ZMAT5: variants seen among roughly 807,000 people sequenced by gnomAD.
The protein encoded by ZMAT5 is zinc finger matrin-type protein 5.
In ZMAT5, 23 loss-of-function variants were observed where a neutral mutation model predicts 28.0. The ratio of observed to expected loss-of-function variants is 0.82; its 90% CI spans 0.59 to 1.16. ZMAT5 has a LOEUF of 1.16. Ranked by LOEUF, ZMAT5 falls within the 50% of genes most tolerant of loss-of-function variation. The probability of loss-of-function intolerance (pLI) is 0.00; values close to 1 mark genes in which losing one functional copy is unlikely to be tolerated. For synonymous variants in ZMAT5, 76 were observed against 84.1 expected, an observed-to-expected ratio of 0.90 and a Z score of 0.52; for missense variants, 173 against 212.7, an observed-to-expected ratio of 0.81 and a Z score of 1.16.
intron 5 of ZMAT5, among the ~76,000 whole-genome samples, chr22:29,735,850 A>G (rs113665494): frequency 7.2e-5 from 11 of 152,260 alleles, no homozygotes; most frequent in African/African-American, 1.9e-4. Context: ...TCTCAAATTC[A>G]TAGCGCCTTG....
At chr22:29,759,207 GT>G (rs2147236950) in intron 1 of ZMAT5, among the ~76,000 whole-genome samples, 1 of 152,286 alleles carries the variant, frequency 6.6e-6, no homozygotes, top group East Asian at 1.9e-4. Flanking sequence ...GGTAAAAATA[GT>G]CTGAATGAGG....
intron 1 of ZMAT5, among the ~76,000 whole-genome samples, chr22:29,761,178 CAGG>C (rs2068153582): frequency 7.0e-6 from 1 of 143,864 alleles, no homozygotes; most frequent in African/African-American, 2.6e-5. Context: ...GAGCCTGAGG[CAGG>C]AGGATTGCTT....
intron 2 of ZMAT5, among the ~76,000 whole-genome samples, chr22:29,743,049 C>T (rs146852056): frequency 1.3e-5 from 2 of 152,212 alleles, no homozygotes; most frequent in East Asian, 3.9e-4. Flanking sequence ...CCATTTTGGC[C>T]TCCAAAAGTG....
At chr22:29,755,108 C>T (rs954703396) in intron 1 of ZMAT5, among the ~76,000 whole-genome samples, 8 of 151,816 alleles carry the variant, frequency 5.3e-5, no homozygotes, top group African/African-American at 1.9e-4. Flanking sequence ...CCAGCCTGAC[C>T]AACATGGTGA....
intron 1 of ZMAT5, 48 bp from the exon 2 acceptor site, chr22:29,748,619 C>T (rs2232898): frequency 0.033 from 52,070 of 1,597,296 alleles, 1,006 homozygotes; most frequent in Non-Finnish European, 0.038. Context: ...GAAAACACAT[C>T]CCTCACCAGC....
rs2067927164 is a variant in ZMAT5, at chr22:29,738,339, G to A, written c.374C>T (p.Pro125Leu). 1.9e-6 allele frequency: 3 copies of A among 1,609,478 alleles called. No individual in the cohort carries two copies. The highest frequency in any genetic ancestry group is 2.5e-6 in the Non-Finnish European group (3 of 1,179,802). ...CCCTGGGGACCTGTACCTGCTACTT[G>A]GGGCTGAGCTCAGCCGCTTGGCTCT... Reference protein sequence around the residue: ...EKRAKRLSSAPSSRAEPIRTT... With the variant: ...EKRAKRLSSALSSRAEPIRTT... Residue 125 changes from proline to leucine, a missense_variant, in exon 5 of 6, where the codon CCA becomes CTA. By Grantham distance (98) the Pro-to-Leu change is moderately conservative. Coordinates refer to ENST00000344318, the MANE Select transcript of ZMAT5 (RefSeq NM_001003692.2).
At chr22:29,733,928 G>A (rs1361082558) in intron 5 of ZMAT5, among the ~76,000 whole-genome samples, 1 of 152,246 alleles carries the variant, frequency 6.6e-6, no homozygotes, top group Non-Finnish European at 1.5e-5. Flanking sequence ...ACATTGAGGT[G>A]CGTGTCTGGC....
At chr22:29,739,287 C>A (rs980601107) in intron 4 of ZMAT5, among the ~76,000 whole-genome samples, 2 of 152,220 alleles carry the variant, frequency 1.3e-5, no homozygotes, top group Non-Finnish European at 2.9e-5. Context: ...GCCAAGTCAT[C>A]TGGGATGGAG....
At chr22:29,741,421 C>T (rs893751899) in intron 3 of ZMAT5, among the ~76,000 whole-genome samples, 1 of 152,182 alleles carries the variant, frequency 6.6e-6, no homozygotes, top group African/African-American at 2.4e-5. Context: ...TTCCCTAGTT[C>T]AGCTGCAGCA....
At chr22:29,738,644 CAAAT>C (rs2067930954) in intron 4 of ZMAT5, among the ~76,000 whole-genome samples, 1 of 152,086 alleles carries the variant, frequency 6.6e-6, no homozygotes, top group African/African-American at 2.4e-5. Context: ...GTTTTCCCAT[CAAAT>C]AGAGACAACC....
At chr22:29,738,254 A>G (rs931575106) in intron 5 of ZMAT5, 76 bp downstream of exon 5, 6 of 1,361,334 alleles carry the variant, frequency 4.4e-6, no homozygotes, top group Non-Finnish European at 6.2e-6. Flanking sequence ...GAGATTCCTG[A>G]GCCTCAGGAA....
chr22:29,732,671 T>C (rs140103), intron 5 of ZMAT5, among the ~76,000 whole-genome samples: 69,435 of 143,894 alleles, frequency 0.48, 16,444 homozygotes, highest in East Asian at 0.61. Context: ...ACTAAGGAGG[T>C]GGAGCTTGCA....
At chr22:29,752,852 TTC>T (rs778114894) in intron 1 of ZMAT5, among the ~76,000 whole-genome samples, 4 of 152,082 alleles carry the variant, frequency 2.6e-5, no homozygotes, top group Non-Finnish European at 4.4e-5. Context: ...CGGCAATGCT[TTC>T]TATCTACCTG....
chr22:29,739,119 C>T (rs1372716058), intron 4 of ZMAT5, among the ~76,000 whole-genome samples: 1 of 152,212 alleles, frequency 6.6e-6, no homozygotes, highest in Non-Finnish European at 1.5e-5. Flanking sequence ...GCTCTGTCAC[C>T]TGCCGGGTCT....
intron 1 of ZMAT5, among the ~76,000 whole-genome samples, chr22:29,751,465 T>C (rs1215639295): frequency 6.6e-6 from 1 of 152,160 alleles, no homozygotes; most frequent in African/African-American, 2.4e-5. Flanking sequence ...GGGCTAGTGG[T>C]TTATTGAATA....
At chr22:29,744,462 G>T (rs954292124) in intron 2 of ZMAT5, among the ~76,000 whole-genome samples, 1 of 151,600 alleles carries the variant, frequency 6.6e-6, no homozygotes, top group Non-Finnish European at 1.5e-5. Context: ...GGTGGGGAGG[G>T]TCTATCTGTT....
chr22:29,743,388 C>T lies in ZMAT5; in HGVS notation c.128-908G>A, dbSNP rs17554391. ...AATCACTCTGTAGCATCGGCAATCA[C>T]TCTGATCCTAATCTTAACCCTAGTT... is the stretch of plus-strand genomic sequence containing the variant. On this transcript the variant is annotated intron_variant, in intron 2 of 5. Transcript: ENST00000344318. Among the ~76,000 whole-genome samples, 896 of 152,206 alleles carry T rather than the reference C, an allele frequency of 5.9e-3. 4 individuals are homozygous for T. The highest frequency in any genetic ancestry group is 0.017 in the Middle Eastern group (5 of 294).
chr22:29,750,399 C>T (rs559059279), intron 1 of ZMAT5, among the ~76,000 whole-genome samples: 2 of 152,246 alleles, frequency 1.3e-5, no homozygotes, highest in South Asian at 2.1e-4. Context: ...GTGGCAGGTC[C>T]GAATCCAGTC....
At chr22:29,741,183 T>C (rs113595635) in intron 3 of ZMAT5, among the ~76,000 whole-genome samples, 6,926 of 152,290 alleles carry the variant, frequency 0.045, 204 homozygotes, top group Middle Eastern at 0.095. Context: ...GACTGCTCCT[T>C]AGAAAGGCTT....
Sources: allele counts gnomAD v4.1 joint callset (sites outside exome capture counted in the v4.1 genomes callset), GRCh38; gene constraint gnomAD v4.1.1; transcripts MANE v1.5; gene names NCBI Gene and HGNC (gene_info 2026-07-23, HGNC 2026-07-21).